The following NLRX1 variants were observed in gnomAD, a reference collection of about 807,000 sequenced individuals.
NLRX1 encodes the protein NLR family member X1.
NLRX1 carries 67 observed loss-of-function variants against 74.2 expected under a neutral mutation model. That is an observed-to-expected ratio of 0.90 (90% CI 0.74 to 1.11). The LOEUF is 1.11. NLRX1 is among the 50% of genes least tolerant of loss of function. The pLI, the probability that NLRX1 is intolerant of heterozygous loss-of-function variation, is 0.00. For synonymous variants in NLRX1, 506 were observed against 559.1 expected, an observed-to-expected ratio of 0.91 and a Z score of 1.34; for missense variants, 1,191 against 1,305.4, an observed-to-expected ratio of 0.91 and a Z score of 1.35.
At position 119,174,336 on chromosome 11, in the gene NLRX1, T is replaced by G. The variant is rs1446197090; in HGVS notation, c.850-117T>G. On this transcript the variant is annotated intron_variant, in intron 5 of 9. Transcript: ENST00000409109. ...GTGTTCAGTAATTGCTAGTTATAAC[T>G]GTTATCCTCATCAATGTCTTCATCC... 5 of 1,158,432 alleles carry G rather than the reference T, an allele frequency of 4.3e-6. No individual in the cohort carries two copies. In the African/African-American group the frequency reaches 7.7e-5, roughly 18 times the overall value. The allele number at this position is 1,158,432 out of a possible 1,614,324, so 71.8% of individuals were successfully genotyped here.
intron 3 of NLRX1, 64 bp from the exon 4 acceptor site, chr11:119,172,837 C>A: frequency 8.2e-7 from 1 of 1,222,720 alleles, no homozygotes; most frequent in Non-Finnish European, 1.2e-6. Flanking sequence ...GGCTTGGACC[C>A]AGAGCCTGTG....
intron 6 of NLRX1, 117 bp from the exon 7 acceptor site, chr11:119,179,576 A>G (rs1014153483): frequency 1.2e-6 from 1 of 826,938 alleles, no homozygotes; most frequent in Non-Finnish European, 1.9e-6. Flanking sequence ...AAATTATGCT[A>G]AGTTCAAGGG....
At position 119,174,686 on chromosome 11, in the gene NLRX1, C is replaced by T. The variant is rs1260473832; in HGVS notation, c.1083C>T (p.His361=). The T allele has an allele frequency of 6.2e-7, 1 of 1,613,966 alleles. No homozygotes were observed. The highest frequency in any genetic ancestry group is 1.7e-5 in the Admixed American group (1 of 60,028). ...VQMLSRNLEG[H]HQIAAACFLP... ...TGCTCTCCCGGAACCTGGAGGGGCA[C>T]CACCAGATAGCCGCTGCCTGCTTCC... is the stretch of plus-strand genomic sequence containing the variant. The change falls in exon 6 of 10, where the codon CAC becomes CAT. Residue 361 remains histidine (H), a synonymous_variant. Transcript: ENST00000409109.
In NLRX1 at chr11:119,175,287, T is replaced by A. The variant is rs1392707919; in HGVS notation, c.1671+13T>A. 1 of 1,604,484 alleles carries A rather than the reference T, an allele frequency of 6.2e-7. No homozygotes were observed. Among genetic ancestry groups the A allele is most frequent in the Non-Finnish European group, 8.5e-7 (1 of 1,173,872 alleles). On this transcript the variant is annotated intron_variant, in intron 6 of 9. Transcript: ENST00000409109. ...CAACCTGATCAAGGTAACATCCCGA[T>A]CAAGGTAACCCCCCAACCTGCTCCT...
At chr11:119,174,415 C>G in intron 5 of NLRX1, 38 bp from the exon 6 acceptor site, 1 of 1,586,066 alleles carries the variant, frequency 6.3e-7, no homozygotes, top group South Asian at 1.2e-5. Flanking sequence ...CAACAGGACA[C>G]TAAGGTCTTT....
At chr11:119,172,126 G>A (rs1446668399) in intron 2 of NLRX1, among the ~76,000 whole-genome samples, 1 of 152,218 alleles carries the variant, frequency 6.6e-6, no homozygotes, top group Non-Finnish European at 1.5e-5. Context: ...AAAAACAGAC[G>A]TAAAGGGGAC....
At position 119,175,087 on chromosome 11, in the gene NLRX1, C is replaced by T. The variant is rs199476046; in HGVS notation, c.1484C>T (p.Pro495Leu). 8 of 1,614,174 alleles carry T rather than the reference C, an allele frequency of 5.0e-6. No individual in the cohort carries two copies. Among genetic ancestry groups the T allele is most frequent in the Middle Eastern group, 1.6e-4 (1 of 6,062 alleles). The change falls in exon 6 of 10, where the codon CCC (proline) becomes CTC (leucine). Residue 495 changes from proline (P) to leucine (L), a missense_variant. Transcript: ENST00000409109. ...GCAGGCACCTTCGTGTTCACCGTGC[C>T]CGCCATGCAGGAATACCTGGCTGCC... ...GRAGTFVFTVPAMQEYLAALY... is the reference protein window; with the variant it reads ...GRAGTFVFTVLAMQEYLAALY...
chr11:119,179,515 G>A (rs919482244), intron 6 of NLRX1, among the ~76,000 whole-genome samples, 178 bp from the exon 7 acceptor site: 1 of 152,190 alleles, frequency 6.6e-6, no homozygotes, highest in African/African-American at 2.4e-5. Flanking sequence ...TGCCACATAG[G>A]CAGTAGGGAG....
At chr11:119,168,374 G>A (rs1175864548), upstream of NLRX1, 1 of 152,266 alleles carries the variant, frequency 6.6e-6, no homozygotes, top group Non-Finnish European at 1.5e-5. Flanking sequence ...ACACACATAG[G>A]TCTGGGCTCT....
chr11:119,182,537 C>T (rs983047981), intron 9 of NLRX1, among the ~76,000 whole-genome samples, 192 bp downstream of exon 9: 2 of 152,154 alleles, frequency 1.3e-5, no homozygotes, highest in Admixed American at 6.5e-5. Flanking sequence ...GCTTAAACTG[C>T]ACCAATTCCC....
chr11:119,179,934 T>G lies in NLRX1; in HGVS notation c.1913T>G (p.Val638Gly). ...GGLLSAHNRAVLAQLGCPIKN... is the reference protein window; with the variant it reads ...GGLLSAHNRAGLAQLGCPIKN... ...CTTCTCTCTGCCCACAACCGAGCTG[T>G]GCTAGCTCAGCTTGGCTGCCCCATC... The change falls in exon 7 of 10, where the codon GTG (valine) becomes GGG (glycine). Residue 638 changes from valine (V) to glycine (G), a missense_variant. Transcript: ENST00000409109. The G allele has an allele frequency of 6.2e-7, 1 of 1,613,266 alleles. No homozygotes were observed. The highest frequency in any genetic ancestry group is 8.5e-7 in the Non-Finnish European group (1 of 1,179,470).
intron 6 of NLRX1, among the ~76,000 whole-genome samples, chr11:119,179,274 A>G (rs1396083139): frequency 6.6e-6 from 1 of 152,208 alleles, no homozygotes; most frequent in African/African-American, 2.4e-5. Flanking sequence ...AGAAGTTCCT[A>G]ATGTCTGCAG....
At position 119,175,226 on chromosome 11, in the gene NLRX1, C is replaced by T; in HGVS notation, c.1623C>T (p.Ala541=). 2 of 1,614,110 alleles carry T rather than the reference C, an allele frequency of 1.2e-6. No individual in the cohort carries two copies. Among genetic ancestry groups the T allele is most frequent in the Non-Finnish European group, 8.5e-7 (1 of 1,180,020 alleles). Residue 541 remains alanine, a synonymous_variant, in exon 6 of 10, where the codon GCC becomes GCT. Coordinates refer to ENST00000409109, the MANE Select transcript of NLRX1 (RefSeq NM_001282144.2). ...TCAGCCTGGTACTGGGCATCATGGC[C>T]AAGCTGCTGCCTCTGCGGGCTCTGC... ...EDVSLVLGIM[A]KLLPLRALPL... is the part of the protein sequence containing the mutation.
Position 119,174,560 on chromosome 11 carries a change from G to C in NLRX1, c.957G>C (p.Lys319Asn). The C allele has an allele frequency of 6.2e-7, 1 of 1,614,198 alleles. No individual in the cohort carries two copies. The highest frequency in any genetic ancestry group is 8.5e-7 in the Non-Finnish European group (1 of 1,180,038). The change falls in exon 6 of 10, where the codon AAG becomes AAC. Residue 319 changes from lysine to asparagine, a missense_variant. By Grantham distance (94) the Lys-to-Asn change is moderately conservative. Transcript: ENST00000409109. Reference sequence around the variant, plus strand: ...GTTTCTCTGATACCAACCTGCAGAAGCTCTACTTCCAGCTCCGCCTCAACC... The same window carrying C: ...GTTTCTCTGATACCAACCTGCAGAACCTCTACTTCCAGCTCCGCCTCAACC... ...ICGFSDTNLQ[K>N]LYFQLRLNQP...
At position 119,173,202 on chromosome 11, in the gene NLRX1, A is replaced by G. The variant is rs755059958; in HGVS notation, c.229+213A>G. ...ATGTACAAAGCGCTAGGAGAGCCAT[A>G]CCATCCCTATGCTCAACAAAGTTGG... On this transcript the variant is annotated intron_variant, in intron 4 of 9. Coordinates refer to ENST00000409109, the MANE Select transcript of NLRX1 (RefSeq NM_001282144.2). This position sits in a 1 kb window ranked among gnomAD's most constrained non-coding sequence, Gnocchi z 4.0. 18 of 613,930 alleles carry G rather than the reference A, an allele frequency of 2.9e-5. No homozygotes were observed. The highest frequency in any genetic ancestry group is 5.2e-5 in the Non-Finnish European group (18 of 347,520). The allele number at this position is 613,930 out of a possible 1,614,324, so 38.0% of individuals were successfully genotyped here.
At chr11:119,171,527 C>G in intron 2 of NLRX1, 54 bp downstream of exon 2, 4 of 1,306,120 alleles carry the variant, frequency 3.1e-6, no homozygotes, top group Non-Finnish European at 4.4e-6. Context: ...TTCCAGGGTC[C>G]ACATGATGCC....
chr11:119,172,804 CCAG>C lies in NLRX1; in HGVS notation c.141-96_141-94del, dbSNP rs938348810. On this transcript the variant is annotated intron_variant, in intron 3 of 9. Coordinates refer to ENST00000409109, the MANE Select transcript of NLRX1 (RefSeq NM_001282144.2). Reference sequence around the variant, plus strand: ...AGTGTGGGGCCTTTATCTCAGGAAACCAGAAGTCTAGCAGTGCAGATAGGCTTG... The same window carrying C: ...AGTGTGGGGCCTTTATCTCAGGAAACAAGTCTAGCAGTGCAGATAGGCTTG... 3.1e-5 allele frequency: 28 copies of C among 896,940 alleles called. 2 individuals are homozygous for C. In the Admixed American group the frequency reaches 5.0e-4, roughly 16 times the overall value. The allele number at this position is 896,940 out of a possible 1,614,324, so 55.6% of individuals were successfully genotyped here. A position where few individuals can be genotyped will look rare whatever the true frequency, so the allele number is the denominator to read the frequency against.
chr11:119,173,093 A>T lies in NLRX1; in HGVS notation c.229+104A>T. 1 of 861,740 alleles carries T rather than the reference A, an allele frequency of 1.2e-6. No homozygotes were observed. Among genetic ancestry groups the T allele is most frequent in the Non-Finnish European group, 1.9e-6 (1 of 518,056 alleles). 53.4% of individuals were successfully genotyped at this position (861,740 alleles called of 1,614,324 possible). On this transcript the variant is annotated intron_variant, in intron 4 of 9. Coordinates refer to ENST00000409109, the MANE Select transcript of NLRX1 (RefSeq NM_001282144.2). This position sits in a 1 kb window ranked among gnomAD's most constrained non-coding sequence, Gnocchi z 4.0. Reference sequence around the variant, plus strand: ...CATAGAGGATCCACTGCCATCTTCCATCGGTGGTCCCTCCTCCTCTCTCTC... The same window carrying T: ...CATAGAGGATCCACTGCCATCTTCCTTCGGTGGTCCCTCCTCCTCTCTCTC...
chr11:119,177,591 G>C (rs1948730948), intron 6 of NLRX1, among the ~76,000 whole-genome samples: 1 of 150,052 alleles, frequency 6.7e-6, no homozygotes, highest in Non-Finnish European at 1.5e-5. Flanking sequence ...TCGCGCCACT[G>C]TACTCCAGCC....
Sources: allele counts gnomAD v4.1 joint callset (sites outside exome capture counted in the v4.1 genomes callset), GRCh38; gene constraint gnomAD v4.1.1; non-coding constraint Gnocchi (gnomAD v3.1); transcripts MANE v1.5; gene names NCBI Gene and HGNC (gene_info 2026-07-23, HGNC 2026-07-21).